MIF4GD: variants seen among roughly 807,000 people sequenced by gnomAD.
The protein encoded by MIF4GD is MIF4G domain containing.
A neutral mutation model predicts 26.7 loss-of-function variants in MIF4GD; 22 were observed. The ratio of observed to expected loss-of-function variants is 0.82; its 90% CI spans 0.59 to 1.18. The LOEUF (loss-of-function observed/expected upper bound fraction) is 1.18. Ranked by LOEUF, MIF4GD falls within the 50% of genes most tolerant of loss-of-function variation. The pLI, the probability that MIF4GD is intolerant of heterozygous loss-of-function variation, is 0.00. For synonymous variants in MIF4GD, 137 were observed against 111.6 expected (o/e 1.23, Z -1.43); for missense variants, 262 against 279.6 (o/e 0.94, Z 0.45).
rs761880742 is a variant in MIF4GD at position 75,270,200 on chromosome 17, A to G, written c.-5T>C. On this transcript the variant is annotated 5_prime_UTR_variant, in exon 2 of 6. Transcript: ENST00000325102. This position sits in a 1 kb window ranked among gnomAD's most constrained non-coding sequence, Gnocchi z 5.7. ...CTCTCTACTGGGCTCCCCCATGACT[A>G]GCCAGCCCCGGTAGCTCTTGACTGG... 1.2e-6 allele frequency: 2 copies of G among 1,613,212 alleles called. No homozygotes were observed. Among genetic ancestry groups the G allele is most frequent in the South Asian group, 2.2e-5 (2 of 91,068 alleles).
chr17:75,266,725 C>T lies in MIF4GD; in HGVS notation c.*15G>A. On this transcript the variant is annotated 3_prime_UTR_variant, in exon 6 of 6. Transcript: ENST00000325102. ...AGAAAGGCCAGTGCTGGTGAGGAAG[C>T]CCTGATCTGGAGGCCTAGTCGGAGA... is the stretch of plus-strand genomic sequence containing the variant. 1 of 1,613,080 alleles carries T rather than the reference C, an allele frequency of 6.2e-7. No individual in the cohort carries two copies. Among genetic ancestry groups the T allele is most frequent in the Non-Finnish European group, 8.5e-7 (1 of 1,179,052 alleles).
Position 75,270,963 on chromosome 17 carries a change from C to T in MIF4GD, c.-51+181G>A, listed in dbSNP as rs1488598724. The T allele has an allele frequency of 6.6e-6, 1 of 152,240 alleles. No homozygotes were observed. Among genetic ancestry groups the T allele is most frequent in the African/African-American group, 2.4e-5 (1 of 41,452 alleles). 9.4% of individuals were successfully genotyped at this position (152,240 alleles called of 1,614,324 possible). A position where few individuals can be genotyped will look rare whatever the true frequency, so the allele number is the denominator to read the frequency against. On this transcript the variant is annotated intron_variant, in intron 1 of 5. Coordinates refer to ENST00000325102, the MANE Select transcript of MIF4GD (RefSeq NM_001370592.1). This position sits in a 1 kb window ranked among gnomAD's most constrained non-coding sequence, Gnocchi z 5.7. ...CTTACTGGGGGGCAGGATGATGCGC[C>T]CCGGAGAGGTGGCTCCCGCCGGAGG...
Position 75,267,604 on chromosome 17 carries a change from C to T in MIF4GD, c.375G>A (p.Leu125=), listed in dbSNP as rs775969590. 1 of 1,614,226 alleles carries T rather than the reference C, an allele frequency of 6.2e-7. No homozygotes were observed. The highest frequency in any genetic ancestry group is 1.7e-5 in the Admixed American group (1 of 60,026). The change falls in exon 5 of 6, where the codon CTG becomes CTA. Residue 125 remains leucine, a synonymous_variant. Transcript: ENST00000325102. ...AGAGGCAGTCATAGACAGGGTTCAC[C>T]AGGGCCATCATGGGCATGTTGTTCA... The part of the protein sequence containing the change: ...LRVNNMPMMA[L]VNPVYDCLFR...
chr17:75,267,163 C>T (rs912387372), intron 5 of MIF4GD, among the ~76,000 whole-genome samples, 196 bp from the exon 6 acceptor site: 2 of 142,622 alleles, frequency 1.4e-5, no homozygotes, highest in African/African-American at 2.5e-5. Context: ...CTCATCTGGC[C>T]AGGCTCCACT....
rs1567827175 is a variant in MIF4GD, at chr17:75,270,961, G to C, written c.-51+183C>G. 1 of 152,194 alleles carries C rather than the reference G, an allele frequency of 6.6e-6. No individual in the cohort carries two copies. Among genetic ancestry groups the C allele is most frequent in the Non-Finnish European group, 1.5e-5 (1 of 68,060 alleles). 9.4% of individuals were successfully genotyped at this position (152,194 alleles called of 1,614,324 possible). On this transcript the variant is annotated intron_variant, in intron 1 of 5. Transcript: ENST00000325102. This position sits in a 1 kb window ranked among gnomAD's most constrained non-coding sequence, Gnocchi z 5.7. The stretch of plus-strand genomic sequence containing the variant: ...CTCTTACTGGGGGGCAGGATGATGC[G>C]CCCCGGAGAGGTGGCTCCCGCCGGA...
In MIF4GD at chr17:75,268,065, C is replaced by G; in HGVS notation, c.192+18G>C. Reference sequence around the variant, plus strand: ...CACCTTCCTCAAAGCAGCTTCCTTTCCTCTCCCAACCCCCAACCTGAATGA... The same window carrying G: ...CACCTTCCTCAAAGCAGCTTCCTTTGCTCTCCCAACCCCCAACCTGAATGA... On this transcript the variant is annotated intron_variant, in intron 3 of 5. Transcript: ENST00000325102. 6.2e-7 allele frequency: 1 copy of G among 1,613,346 alleles called. No individual in the cohort carries two copies. The highest frequency in any genetic ancestry group is 1.3e-5 in the African/African-American group (1 of 75,044).
chr17:75,270,570 T>G lies in MIF4GD; in HGVS notation c.-50-325A>C. The G allele has an allele frequency of 4.5e-6, 1 of 220,014 alleles. No individual in the cohort carries two copies. The allele number at this position is 220,014 out of a possible 1,614,324, so 13.6% of individuals were successfully genotyped here. ...GGTGTGTGCGGGCGGACGTTACAGTTGCTTAAATAAACCGGCCTGACGTTG... is the reference window on the plus strand; with the variant it reads ...GGTGTGTGCGGGCGGACGTTACAGTGGCTTAAATAAACCGGCCTGACGTTG... On this transcript the variant is annotated intron_variant, in intron 1 of 5. Coordinates refer to ENST00000325102, the MANE Select transcript of MIF4GD (RefSeq NM_001370592.1). The surrounding 1 kb of genome is among the most constrained non-coding windows in gnomAD (Gnocchi z 5.7).
In MIF4GD at chr17:75,266,741, T is replaced by C; in HGVS notation, c.668A>G (p.Ter223TrpextTer84). 4 of 1,614,146 alleles carry C rather than the reference T, an allele frequency of 2.5e-6. No individual in the cohort carries two copies. The South Asian group carries it at 4.4e-5, about 18-fold the overall frequency. Residue 223 changes from the stop codon to tryptophan, a stop_lost, in exon 6 of 6, where the codon TAG (stop) becomes TGG (tryptophan). Transcript: ENST00000325102. ...HKYYYSEVSD[*>W] The stretch of plus-strand genomic sequence containing the variant: ...GTGAGGAAGCCCTGATCTGGAGGCC[T>C]AGTCGGAGACTTCGCTGTAGTAATA...
In MIF4GD at chr17:75,270,372, T is replaced by C; in HGVS notation, c.-50-127A>G. 1 of 603,730 alleles carries C rather than the reference T, an allele frequency of 1.7e-6. No homozygotes were observed. Among genetic ancestry groups the C allele is most frequent in the Non-Finnish European group, 3.0e-6 (1 of 337,808 alleles). The allele number at this position is 603,730 out of a possible 1,614,324, so 37.4% of individuals were successfully genotyped here. A position where few individuals can be genotyped will look rare whatever the true frequency, so the allele number is the denominator to read the frequency against. On this transcript the variant is annotated intron_variant, in intron 1 of 5. Coordinates refer to ENST00000325102, the MANE Select transcript of MIF4GD (RefSeq NM_001370592.1). The surrounding 1 kb of genome is among the most constrained non-coding windows in gnomAD (Gnocchi z 5.7). ...CTCCTGGGCGGTCCGTGGCGTGCGGTGGTTGGCTGAAGGCCCACCAGGCTT... is the reference window on the plus strand; with the variant it reads ...CTCCTGGGCGGTCCGTGGCGTGCGGCGGTTGGCTGAAGGCCCACCAGGCTT...
At position 75,266,976 on chromosome 17, in the gene MIF4GD, G is replaced by A. The variant is rs759088385; in HGVS notation, c.442-9C>T. ...AGCACCAAACAGTCCACCTGCAGGCGACAGTGTGGGTAACACAAGTGAACT... is the reference window on the plus strand; with the variant it reads ...AGCACCAAACAGTCCACCTGCAGGCAACAGTGTGGGTAACACAAGTGAACT... On this transcript the variant is annotated splice_polypyrimidine_tract_variant and intron_variant, in intron 5 of 5. Transcript: ENST00000325102. 1.6e-5 allele frequency: 25 copies of A among 1,609,970 alleles called. No homozygotes were observed. The highest frequency in any genetic ancestry group is 9.4e-5 in the African/African-American group (7 of 74,780).
At chr17:75,267,960 A>G (rs1053938639) in intron 3 of MIF4GD, 59 bp from the exon 4 acceptor site, 2 of 1,598,988 alleles carry the variant, frequency 1.3e-6, no homozygotes, top group Non-Finnish European at 1.7e-6. Context: ...AACCCCACCC[A>G]TCCTATGCCT....
At position 75,270,231 on chromosome 17, in the gene MIF4GD, G is replaced by C; in HGVS notation, c.-36C>G. The stretch of plus-strand genomic sequence containing the variant: ...CCCCGGTAGCTCTTGACTGGGCTGG[G>C]AATAAGGACAGCACCTGAGGAGAAG... On this transcript the variant is annotated 5_prime_UTR_variant, in exon 2 of 6. Transcript: ENST00000325102. The surrounding 1 kb of genome is among the most constrained non-coding windows in gnomAD (Gnocchi z 5.7). 1 of 1,558,374 alleles carries C rather than the reference G, an allele frequency of 6.4e-7. No homozygotes were observed. The highest frequency in any genetic ancestry group is 1.1e-5 in the South Asian group (1 of 89,900).
chr17:75,269,463 G>A lies in MIF4GD; in HGVS notation c.82+651C>T, dbSNP rs577676764. The A allele has an allele frequency of 4.6e-5, 74 of 1,612,618 alleles. No individual in the cohort carries two copies. Among genetic ancestry groups the A allele is most frequent in the South Asian group, 3.8e-4 (35 of 91,042 alleles). ...AAAGCAGGCAACTGTGCATTCAAGA[G>A]ACGGGGCTATGGCAGCACAGAAACC... On this transcript the variant is annotated intron_variant, in intron 2 of 5. Coordinates refer to ENST00000325102, the MANE Select transcript of MIF4GD (RefSeq NM_001370592.1).
At position 75,266,749 on chromosome 17, in the gene MIF4GD, G is replaced by A. The variant is rs775601225; in HGVS notation, c.660C>T (p.Val220=). 6.2e-7 allele frequency: 1 copy of A among 1,614,178 alleles called. No homozygotes were observed. Among genetic ancestry groups the A allele is most frequent in the South Asian group, 1.1e-5 (1 of 91,074 alleles). Residue 220 remains valine (V), a synonymous_variant, in exon 6 of 6, where the codon GTC becomes GTT. Transcript: ENST00000325102. ...GCCCTGATCTGGAGGCCTAGTCGGA[G>A]ACTTCGCTGTAGTAATACTTGTGGG... ...PAAHKYYYSE[V]SD
At position 75,270,134 on chromosome 17, in the gene MIF4GD, A is replaced by G; in HGVS notation, c.62T>C (p.Leu21Pro). Reference protein sequence around the residue: ...IQSFDAETQQLLKTALKDPGA... With the variant: ...IQSFDAETQQPLKTALKDPGA... The stretch of plus-strand genomic sequence containing the variant: ...CTCACCTTTGAGTGCTGTCTTCAGC[A>G]GCTGCTGGGTCTCTGCATCAAAGGA... Residue 21 changes from leucine to proline, a missense_variant, in exon 2 of 6, where the codon CTG (leucine) becomes CCG (proline). Physicochemically the swap from Leu to Pro is moderately conservative, Grantham distance 98. Transcript: ENST00000325102. The surrounding 1 kb of genome is among the most constrained non-coding windows in gnomAD (Gnocchi z 5.7). 6.2e-7 allele frequency: 1 copy of G among 1,614,082 alleles called. No individual in the cohort carries two copies.
At chr17:75,269,525 G>T in intron 2 of MIF4GD, 2 of 1,427,488 alleles carry the variant, frequency 1.4e-6, no homozygotes, top group Non-Finnish European at 1.9e-6. Flanking sequence ...GGCAGGAGCC[G>T]TGTTCTTTTT....
At position 75,266,806 on chromosome 17, in the gene MIF4GD, G is replaced by A. The variant is rs772174471; in HGVS notation, c.603C>T (p.Phe201=). The part of the protein sequence containing the change: ...AQLLLLEIIE[F]RAAGWKTTPA... ...GCGTTGTCTTCCAGCCGGCCGCCCG[G>A]AACTCAATGATCTCCAGCAGCAGCA... Residue 201 remains phenylalanine (F), a synonymous_variant, in exon 6 of 6, where the codon TTC becomes TTT. Coordinates refer to ENST00000325102, the MANE Select transcript of MIF4GD (RefSeq NM_001370592.1). 6.2e-7 allele frequency: 1 copy of A among 1,614,208 alleles called. No homozygotes were observed.
rs751905329 is a variant in MIF4GD at position 75,267,814 on chromosome 17, G to A, written c.280C>T (p.Arg94Ter). 9 of 1,614,038 alleles carry A rather than the reference G, an allele frequency of 5.6e-6. No individual in the cohort carries two copies. The highest frequency in any genetic ancestry group is 4.5e-5 in the East Asian group (2 of 44,886). ...QQEYQAREQL[R>*]ARSLQGWVCY... is the part of the protein sequence containing the mutation. ...ACCCAGCCCTGCAGGGAGCGTGCTC[G>A]CAGCTGCTCCCGAGCCTGGTACTCC... The change falls in exon 4 of 6, where the codon CGA becomes TGA. Residue 94 changes from arginine (R) to a stop codon, truncating the protein, a stop_gained. Transcript: ENST00000325102. LOFTEE classifies it high-confidence loss of function.
chr17:75,269,176 G>A (rs1272550312), intron 2 of MIF4GD, among the ~76,000 whole-genome samples: 2 of 152,168 alleles, frequency 1.3e-5, no homozygotes, highest in Non-Finnish European at 2.9e-5. Flanking sequence ...CCTGGCACTA[G>A]GTTGAGGAAG....
Sources: gnomAD v4.1 joint callset for allele counts (sites outside exome capture counted in the v4.1 genomes callset) on GRCh38, gnomAD v4.1.1 for gene constraint, Gnocchi (gnomAD v3.1) non-coding constraint, MANE v1.5 for transcripts, NCBI Gene and HGNC (gene_info 2026-07-23, HGNC 2026-07-21) for gene names.